Variants in SHOC2 observed in about 807,000 individuals in gnomAD.
The protein encoded by SHOC2 is SHOC2 leucine rich repeat scaffold protein.
SHOC2 carries 4 observed loss-of-function variants against 50.2 expected under a neutral mutation model. The ratio of observed to expected loss-of-function variants is 0.08; its 90% CI spans 0.04 to 0.18. The LOEUF is 0.18. Among genes scored for constraint, SHOC2 ranks in the 10% least tolerant of loss-of-function variants. The pLI, the probability that SHOC2 is intolerant of heterozygous loss-of-function variation, is 1.00. For synonymous variants in SHOC2, 218 were observed against 244.5 expected (o/e 0.89, Z 1.01); for missense variants, 388 against 669.6 (o/e 0.58, Z 4.64).
chr10:110,989,048 T>C (rs774744941), intron 3 of SHOC2: 3 of 503,860 alleles, frequency 6.0e-6, no homozygotes, highest in South Asian at 4.4e-5. Flanking sequence ...TTGACAATTT[T>C]CCATGATATA....
intron 1 of SHOC2, among the ~76,000 whole-genome samples, chr10:110,944,212 G>T (rs1847205670): frequency 6.6e-6 from 1 of 152,020 alleles, no homozygotes; most frequent in South Asian, 2.1e-4. Context: ...ATATTCTGTT[G>T]TGATACTGTT....
chr10:110,953,828 G>C (rs1318606943), intron 1 of SHOC2, among the ~76,000 whole-genome samples: 2 of 151,376 alleles, frequency 1.3e-5, no homozygotes, highest in Non-Finnish European at 2.9e-5. Flanking sequence ...AATAGAAAAG[G>C]AAATATACTT....
At chr10:110,934,953 C>T (rs1846974145) in intron 1 of SHOC2, among the ~76,000 whole-genome samples, 1 of 152,114 alleles carries the variant, frequency 6.6e-6, no homozygotes, top group African/African-American at 2.4e-5. Context: ...CCTCTTCTAC[C>T]CAGTTTCTGC....
chr10:110,957,604 T>G (rs1438957148), intron 1 of SHOC2, among the ~76,000 whole-genome samples: 1 of 149,140 alleles, frequency 6.7e-6, no homozygotes, highest in East Asian at 2.1e-4. Context: ...TCTAATTATC[T>G]AAGAAACTAA....
chr10:110,925,594 C>T (rs1395248589), intron 1 of SHOC2, among the ~76,000 whole-genome samples: 3 of 152,106 alleles, frequency 2.0e-5, no homozygotes, highest in African/African-American at 4.8e-5. Context: ...TGTAACTGGA[C>T]TACAGGTGTG....
At chr10:110,962,640 T>C (rs1044633813) in intron 1 of SHOC2, among the ~76,000 whole-genome samples, 1 of 152,202 alleles carries the variant, frequency 6.6e-6, no homozygotes, top group Non-Finnish European at 1.5e-5. Context: ...TTTCTGCACA[T>C]TTGACCATTT....
At chr10:111,003,175 A>C (rs1848411328) in intron 4 of SHOC2, among the ~76,000 whole-genome samples, 2 of 152,220 alleles carry the variant, frequency 1.3e-5, no homozygotes, top group Admixed American at 1.3e-4. Flanking sequence ...TAGTTACTTC[A>C]TTCCTTCAGA....
chr10:110,995,354 G>T (rs1243163849), intron 3 of SHOC2, among the ~76,000 whole-genome samples: 1 of 152,148 alleles, frequency 6.6e-6, no homozygotes, highest in African/African-American at 2.4e-5. Context: ...TTACAGAGAG[G>T]TCGGTAAGAG....
chr10:110,945,866 C>T (rs1260710707), intron 1 of SHOC2, among the ~76,000 whole-genome samples: 1 of 152,202 alleles, frequency 6.6e-6, no homozygotes, highest in East Asian at 1.9e-4. Flanking sequence ...TTCATCACTA[C>T]CTGTGGATGT....
chr10:111,004,946 A>G, intron 5 of SHOC2, 152 bp downstream of exon 5: 2 of 677,008 alleles, frequency 3.0e-6, no homozygotes, highest in Non-Finnish European at 5.3e-6. Flanking sequence ...ACTTTGTATC[A>G]GATAACAAAT....
chr10:110,954,477 A>G (rs1847419049), intron 1 of SHOC2, among the ~76,000 whole-genome samples: 1 of 152,142 alleles, frequency 6.6e-6, no homozygotes, highest in South Asian at 2.1e-4. Context: ...TTTGAAATTA[A>G]AAGTGCCTTT....
At chr10:110,925,294 A>G (rs1846744892) in intron 1 of SHOC2, among the ~76,000 whole-genome samples, 2 of 152,086 alleles carry the variant, frequency 1.3e-5, no homozygotes, top group African/African-American at 2.4e-5. Context: ...GTCAGACTGT[A>G]TGGTCAACAG....
chr10:110,945,067 T>C (rs1258862028), intron 1 of SHOC2, among the ~76,000 whole-genome samples: 1 of 152,248 alleles, frequency 6.6e-6, no homozygotes, highest in Non-Finnish European at 1.5e-5. Flanking sequence ...CAAAGTCTGT[T>C]ACGGGTATTT....
chr10:111,009,725 A>T lies in SHOC2; in HGVS notation c.1435A>T (p.Thr479Ser), dbSNP rs909542052. 6.2e-7 allele frequency: 1 copy of T among 1,605,568 alleles called. No homozygotes were observed. Among genetic ancestry groups the T allele is most frequent in the Non-Finnish European group, 8.5e-7 (1 of 1,172,360 alleles). ...YLKDLQKLVL[T>S]NNQLTTLPRG... Reference sequence around the variant, plus strand: ...GTAAATCTTTTAGAAATTAGTCTTGACAAACAACCAGTTGACCACTCTTCC... The same window carrying T: ...GTAAATCTTTTAGAAATTAGTCTTGTCAAACAACCAGTTGACCACTCTTCC... Residue 479 changes from threonine (T) to serine (S), a missense_variant, in exon 8 of 9, where the codon ACA becomes TCA. Thr to Ser is a moderately conservative substitution (Grantham distance 58). Around this residue, in one of 5 missense-constraint regions of SHOC2, gnomAD observed 130 missense variants for 208.6 expected, o/e 0.62. Transcript: ENST00000369452.
At chr10:110,995,196 A>G (rs937463353) in intron 3 of SHOC2, among the ~76,000 whole-genome samples, 1 of 152,208 alleles carries the variant, frequency 6.6e-6, no homozygotes, top group Non-Finnish European at 1.5e-5. Context: ...ACTGAAACCA[A>G]TTCTGTGGAG....
intron 1 of SHOC2, among the ~76,000 whole-genome samples, chr10:110,943,723 G>T (rs1488811236): frequency 6.6e-6 from 1 of 152,172 alleles, no homozygotes; most frequent in Non-Finnish European, 1.5e-5. Flanking sequence ...GTCTCACCAT[G>T]TTAAATATTA....
chr10:110,981,085 A>G (rs1439667468), intron 2 of SHOC2, among the ~76,000 whole-genome samples: 1 of 152,194 alleles, frequency 6.6e-6, no homozygotes, highest in Non-Finnish European at 1.5e-5. Context: ...GAAATGGGTC[A>G]CCACCTTAAA....
At chr10:110,952,701 C>A (rs1227771126) in intron 1 of SHOC2, among the ~76,000 whole-genome samples, 1 of 152,116 alleles carries the variant, frequency 6.6e-6, no homozygotes, top group Admixed American at 6.5e-5. Context: ...TGTCTTAATG[C>A]CCTCCCTCCC....
At chr10:110,980,846 T>C (rs988944528) in intron 2 of SHOC2, among the ~76,000 whole-genome samples, 5 of 152,140 alleles carry the variant, frequency 3.3e-5, no homozygotes, top group Non-Finnish European at 7.4e-5. Context: ...CCTTTCCTTA[T>C]GTGTTTTCTT....
Sources: gnomAD v4.1 joint callset for allele counts (sites outside exome capture counted in the v4.1 genomes callset) on GRCh38, gnomAD v4.1.1 for gene constraint, gnomAD v4.1.1 regional missense constraint, MANE v1.5 for transcripts, NCBI Gene and HGNC (gene_info 2026-07-23, HGNC 2026-07-21) for gene names.